Variants in PPP1R13B observed in about 807,000 individuals in gnomAD.
PPP1R13B encodes the protein protein phosphatase 1 regulatory subunit 13B, also known as apoptosis-stimulating of p53 protein 1.
Under a neutral mutation model 119.8 loss-of-function variants are expected in PPP1R13B, and 44 were observed. The ratio of observed to expected loss-of-function variants is 0.37; its 90% CI spans 0.29 to 0.47. The LOEUF (loss-of-function observed/expected upper bound fraction) is 0.47, where lower values mean the gene tolerates loss of function less well. PPP1R13B is among the 20% of genes least tolerant of loss of function. The pLI is 0.99. For missense variants in PPP1R13B, 1,227 were observed against 1,413.5 expected (o/e 0.87, Z 2.12); for synonymous variants, 542 against 561.5 (o/e 0.97, Z 0.49).
intron 12 of PPP1R13B, chr14:103,739,315 A>G: frequency 2.5e-6 from 1 of 395,936 alleles, no homozygotes; most frequent in Non-Finnish European, 4.5e-6. Context: ...TGTGGGAGGG[A>G]GGGTGGCGTG....
intron 1 of PPP1R13B, among the ~76,000 whole-genome samples, chr14:103,816,821 A>G (rs188175289): frequency 1.3e-3 from 198 of 152,308 alleles, no homozygotes; most frequent in African/African-American, 4.2e-3. Context: ...AACAAAGATA[A>G]TTAGAAAAAT....
intron 16 of PPP1R13B, 62 bp downstream of exon 16, chr14:103,735,941 G>A: frequency 1.3e-6 from 2 of 1,559,094 alleles, no homozygotes. Flanking sequence ...CAGCAGGATA[G>A]GACCGCATGC....
chr14:103,827,216 G>T (rs2086568771), intron 1 of PPP1R13B, among the ~76,000 whole-genome samples: 2 of 151,746 alleles, frequency 1.3e-5, no homozygotes, highest in African/African-American at 4.8e-5. Flanking sequence ...CGCACCTGTA[G>T]TCCCAGCTAC....
In PPP1R13B at chr14:103,754,125, T is replaced by G. The variant is rs555084777; in HGVS notation, c.576A>C (p.Lys192Asn). The G allele has an allele frequency of 6.2e-7, 1 of 1,614,068 alleles. No individual in the cohort carries two copies. The highest frequency in any genetic ancestry group is 1.1e-5 in the South Asian group (1 of 91,074). The stretch of plus-strand genomic sequence containing the variant: ...CGACTTGTCCTCTCATTGCACGAAT[T>G]TTCTTCAGCTTGTTCTCCTGGGCTT... ...RVEAQENKLK[K>N]IRAMRGQVDY... Residue 192 changes from lysine to asparagine, a missense_variant, in exon 6 of 17, where the codon AAA (lysine) becomes AAC (asparagine). Lys to Asn is a moderately conservative substitution (Grantham distance 94). Transcript: ENST00000202556.
intron 5 of PPP1R13B, among the ~76,000 whole-genome samples, chr14:103,757,186 T>G (rs1284131483): frequency 6.6e-6 from 1 of 151,698 alleles, no homozygotes; most frequent in African/African-American, 2.4e-5. Context: ...TAACCTCCCA[T>G]GTAGCTGGGA....
chr14:103,742,837 C>T lies in PPP1R13B; in HGVS notation c.1151-14G>A, dbSNP rs1184252405. ...TTCCATCATTAGCTTGAAAAGAACA[C>T]AGAACTTACGTAAAACTTTTCTCAA... is the stretch of plus-strand genomic sequence containing the variant. On this transcript the variant is annotated splice_polypyrimidine_tract_variant and intron_variant, in intron 9 of 16. Coordinates refer to ENST00000202556, the MANE Select transcript of PPP1R13B (RefSeq NM_015316.3). This position sits in a 1 kb window ranked among gnomAD's most constrained non-coding sequence, Gnocchi z 4.9. 3.7e-6 allele frequency: 6 copies of T among 1,613,530 alleles called. No individual in the cohort carries two copies. Among genetic ancestry groups the T allele is most frequent in the African/African-American group, 2.7e-5 (2 of 75,050 alleles).
At chr14:103,820,301 G>GGA (rs879417789) in intron 1 of PPP1R13B, among the ~76,000 whole-genome samples, 3 of 152,098 alleles carry the variant, frequency 2.0e-5, no homozygotes, top group Non-Finnish European at 4.4e-5. Context: ...CCACAGAAGA[G>GGA]GAGAGAAAAT....
At chr14:103,812,127 G>GTTTT (rs754523884) in intron 1 of PPP1R13B, among the ~76,000 whole-genome samples, 5 of 121,332 alleles carry the variant, frequency 4.1e-5, no homozygotes, top group Admixed American at 8.5e-5. Flanking sequence ...TCTGTGTGTG[G>GTTTT]TTTTTTTTTT....
intron 1 of PPP1R13B, among the ~76,000 whole-genome samples, chr14:103,825,761 C>T (rs1308140264): frequency 6.6e-6 from 1 of 152,022 alleles, no homozygotes; most frequent in Non-Finnish European, 1.5e-5. Flanking sequence ...AGAAAAGCTG[C>T]AGCAAGTTAT....
chr14:103,768,762 G>A (rs1162666503), intron 4 of PPP1R13B, among the ~76,000 whole-genome samples: 1 of 151,992 alleles, frequency 6.6e-6, no homozygotes, highest in Non-Finnish European at 1.5e-5. Flanking sequence ...GGAGAGATGG[G>A]GTTTCACCAT....
In PPP1R13B at chr14:103,740,333, G is replaced by A. The variant is rs368530640; in HGVS notation, c.2083C>T (p.Arg695Cys). The A allele has an allele frequency of 3.2e-6, 5 of 1,569,018 alleles. No individual in the cohort carries two copies. Among genetic ancestry groups the A allele is most frequent in the African/African-American group, 2.7e-5 (2 of 73,576 alleles). ...YQSDADLEALRRKLANAPRPL... is the reference protein window; with the variant it reads ...YQSDADLEALCRKLANAPRPL... ...CGGGGCGCGTTGGCCAGCTTCCTGC[G>A]GAGGGCCTCCAGGTCTGCATCACTC... Residue 695 changes from arginine (R) to cysteine (C), a missense_variant, in exon 12 of 17, where the codon CGC (arginine) becomes TGC (cysteine). Physicochemically the swap from Arg to Cys is radical, Grantham distance 180. Coordinates refer to ENST00000202556, the MANE Select transcript of PPP1R13B (RefSeq NM_015316.3). The surrounding 1 kb of genome is among the most constrained non-coding windows in gnomAD (Gnocchi z 4.6).
intron 2 of PPP1R13B, among the ~76,000 whole-genome samples, chr14:103,785,373 C>T (rs1401138421): frequency 1.3e-5 from 2 of 152,136 alleles, no homozygotes; most frequent in Non-Finnish European, 2.9e-5. Context: ...CATCCACCAC[C>T]GTGCCCAGCT....
chr14:103,803,914 C>G, intron 1 of PPP1R13B: 1 of 414,558 alleles, frequency 2.4e-6, no homozygotes, highest in Non-Finnish European at 3.2e-6. Context: ...CCATCTTGAC[C>G]CAACCTCAGA....
At chr14:103,839,519 C>G (rs184732536) in intron 1 of PPP1R13B, among the ~76,000 whole-genome samples, 1 of 151,374 alleles carries the variant, frequency 6.6e-6, no homozygotes, top group African/African-American at 2.4e-5. Context: ...CCCAGCTACT[C>G]GAGAGGCTGA....
chr14:103,809,068 G>A (rs1007304943), intron 1 of PPP1R13B, among the ~76,000 whole-genome samples: 1 of 152,024 alleles, frequency 6.6e-6, no homozygotes, highest in Non-Finnish European at 1.5e-5. Context: ...CTATGCCCAG[G>A]CTGGTCTCTA....
intron 1 of PPP1R13B, among the ~76,000 whole-genome samples, chr14:103,833,206 T>C (rs2086698282): frequency 6.6e-6 from 1 of 152,204 alleles, no homozygotes; most frequent in African/African-American, 2.4e-5. Context: ...TTCAAATTCT[T>C]ATGTAGGTAA....
At chr14:103,760,180 G>GA (rs150274250) in intron 4 of PPP1R13B, among the ~76,000 whole-genome samples, 8,609 of 152,154 alleles carry the variant, frequency 0.057, 262 homozygotes, top group Middle Eastern at 0.12. Flanking sequence ...GAAAATTTGG[G>GA]AAAAAAGAAG....
chr14:103,785,949 T>C (rs530106636), intron 2 of PPP1R13B, among the ~76,000 whole-genome samples: 40 of 152,360 alleles, frequency 2.6e-4, no homozygotes, highest in Admixed American at 1.5e-3. Context: ...TGTGAATGTT[T>C]GTCAGTACCA....
At position 103,735,047 on chromosome 14, in the gene PPP1R13B, C is replaced by A. The variant is rs748190647; in HGVS notation, c.*107G>T. On this transcript the variant is annotated 3_prime_UTR_variant, in exon 17 of 17. Transcript: ENST00000202556. ...TGTGGACGCTGTCTGCTAAAGTGAG[C>A]ACCATTAAGACCATTTTCTAGCTGC... 1.6e-6 allele frequency: 2 copies of A among 1,241,232 alleles called. No individual in the cohort carries two copies. The highest frequency in any genetic ancestry group is 2.4e-6 in the Non-Finnish European group (2 of 848,088). The allele number at this position is 1,241,232 out of a possible 1,614,324, so 76.9% of individuals were successfully genotyped here.
Sources: gnomAD v4.1 joint callset for allele counts (sites outside exome capture counted in the v4.1 genomes callset) on GRCh38, gnomAD v4.1.1 for gene constraint, Gnocchi (gnomAD v3.1) non-coding constraint, MANE v1.5 for transcripts, NCBI Gene and HGNC (gene_info 2026-07-23, HGNC 2026-07-21) for gene names.